Variants in BAIAP2L1 observed in about 807,000 individuals in gnomAD.
BAIAP2L1 encodes the protein BAR/IMD domain containing adaptor protein 2 like 1, also known as BAR/IMD domain-containing adapter protein 2-like 1.
In BAIAP2L1, 35 loss-of-function variants were observed where a neutral mutation model predicts 66.3. The ratio of observed to expected loss-of-function variants is 0.53; its 90% CI spans 0.40 to 0.70. BAIAP2L1 has a LOEUF of 0.70. BAIAP2L1 is among the 30% of genes least tolerant of loss of function. BAIAP2L1 has a pLI of 0.00. For synonymous variants in BAIAP2L1, 269 were observed against 248.7 expected (o/e 1.08, Z -0.77); for missense variants, 622 against 656.9 (o/e 0.95, Z 0.58).
intron 12 of BAIAP2L1, among the ~76,000 whole-genome samples, chr7:98,296,341 T>C (rs1028493762): frequency 2.0e-5 from 3 of 152,202 alleles, no homozygotes; most frequent in Non-Finnish European, 2.9e-5. Flanking sequence ...AAAATATGTA[T>C]TGGGCCAGGG....
At position 98,312,112 on chromosome 7, in the gene BAIAP2L1, G is replaced by T; in HGVS notation, c.792C>A (p.Ile264=). The change falls in exon 8 of 14, where the codon ATC becomes ATA. Residue 264 remains isoleucine (I), a synonymous_variant. Coordinates refer to ENST00000005260, the MANE Select transcript of BAIAP2L1 (RefSeq NM_018842.5). ...VSGTPQASPM[I]ERSNVVRKDY... is the part of the protein sequence containing the mutation. ...TGGCTCCTACCACATTGCTTCTCTC[G>T]ATCATGGGTGAAGCCTGAGGAGTTC... 1 of 1,603,142 alleles carries T rather than the reference G, an allele frequency of 6.2e-7. No individual in the cohort carries two copies. Among genetic ancestry groups the T allele is most frequent in the Non-Finnish European group, 8.5e-7 (1 of 1,176,290 alleles).
At position 98,400,805 on chromosome 7, in the gene BAIAP2L1, G is replaced by A; in HGVS notation, c.48C>T (p.Tyr16=). 4 of 1,548,990 alleles carry A rather than the reference G, an allele frequency of 2.6e-6. No individual in the cohort carries two copies. The highest frequency in any genetic ancestry group is 3.5e-6 in the Non-Finnish European group (4 of 1,146,174). Residue 16 remains tyrosine, a synonymous_variant, in exon 1 of 14, where the codon TAC becomes TAT. Coordinates refer to ENST00000005260, the MANE Select transcript of BAIAP2L1 (RefSeq NM_018842.5). ...EEVNRLTEST[Y]RNVMEQFNPG... ...GAGCCCCGGGCCCTGGGCTTACCCGGTAGGTGCTCTCCGTGAGCCGGTTCA... is the reference window on the plus strand; with the variant it reads ...GAGCCCCGGGCCCTGGGCTTACCCGATAGGTGCTCTCCGTGAGCCGGTTCA...
At chr7:98,310,411 G>C in intron 9 of BAIAP2L1, 34 bp downstream of exon 9, 1 of 1,557,652 alleles carries the variant, frequency 6.4e-7, no homozygotes, top group Non-Finnish European at 8.7e-7. Context: ...AAATGTAAAA[G>C]GTATCTTCAA....
At chr7:98,390,391 C>A (rs1048629995) in intron 1 of BAIAP2L1, among the ~76,000 whole-genome samples, 3 of 151,836 alleles carry the variant, frequency 2.0e-5, no homozygotes, top group Non-Finnish European at 2.9e-5. Context: ...ATATATTTAT[C>A]TGCTTTACAT....
chr7:98,303,467 A>G (rs544784910), intron 12 of BAIAP2L1, among the ~76,000 whole-genome samples: 1 of 152,106 alleles, frequency 6.6e-6, no homozygotes, highest in Admixed American at 6.5e-5. Context: ...GCTCCCCACC[A>G]CGCCATCACC....
intron 1 of BAIAP2L1, among the ~76,000 whole-genome samples, chr7:98,393,506 A>T (rs545711905): frequency 2.1e-4 from 31 of 150,502 alleles, no homozygotes; most frequent in East Asian, 1.8e-3. Context: ...CTATTTATTT[A>T]TTTTTTTTTG....
intron 3 of BAIAP2L1, among the ~76,000 whole-genome samples, chr7:98,322,689 G>A (rs942049505): frequency 6.6e-6 from 1 of 152,088 alleles, no homozygotes; most frequent in Non-Finnish European, 1.5e-5. Flanking sequence ...GTCCCACCAC[G>A]TGGGCTTTCG....
At chr7:98,322,095 C>T (rs1300951205) in intron 3 of BAIAP2L1, among the ~76,000 whole-genome samples, 2 of 152,040 alleles carry the variant, frequency 1.3e-5, no homozygotes, top group African/African-American at 2.4e-5. Flanking sequence ...GACCCTGTCT[C>T]CCCGCCCCCC....
chr7:98,344,827 T>C (rs543159004), intron 3 of BAIAP2L1, among the ~76,000 whole-genome samples: 76 of 152,070 alleles, frequency 5.0e-4, no homozygotes, highest in Admixed American at 9.2e-4. Flanking sequence ...TCCCAGCTAC[T>C]TGGGAGGCTG....
intron 6 of BAIAP2L1, 22 bp downstream of exon 6, chr7:98,317,197 A>G (rs1359052127): frequency 6.2e-7 from 1 of 1,614,026 alleles, no homozygotes; most frequent in Admixed American, 1.7e-5. Context: ...AAAAGAAAAC[A>G]AGATATTGTT....
intron 1 of BAIAP2L1, among the ~76,000 whole-genome samples, chr7:98,363,029 T>C (rs1802308610): frequency 2.6e-5 from 1 of 38,316 alleles, no homozygotes; most frequent in Non-Finnish European, 7.1e-5. Flanking sequence ...CATTTTTTCT[T>C]TTTTTTTTTT....
chr7:98,309,780 G>A (rs1338683288), intron 9 of BAIAP2L1: 1 of 151,272 alleles, frequency 6.6e-6, no homozygotes, highest in Non-Finnish European at 1.5e-5. Flanking sequence ...CAGGTCTCGA[G>A]GGTCCTGGGT....
In BAIAP2L1 at chr7:98,339,293, T is replaced by G. The variant is rs1801684221; in HGVS notation, c.214+15749A>C. On this transcript the variant is annotated intron_variant, in intron 3 of 13. Coordinates refer to ENST00000005260, the MANE Select transcript of BAIAP2L1 (RefSeq NM_018842.5). ...GCCAACACTTGTTATTGTCTGACTT[T>G]TTAATTGTGGCCACTCTATTGGGTG... Among the ~76,000 whole-genome samples the G allele has an allele frequency of 2.0e-5, 3 of 152,210 alleles. No homozygotes were observed. In the South Asian group the frequency reaches 6.2e-4, roughly 31 times the overall value.
chr7:98,308,081 A>G (rs553009397), intron 9 of BAIAP2L1, 185 bp from the exon 10 acceptor site: 34 of 713,316 alleles, frequency 4.8e-5, no homozygotes, highest in African/African-American at 4.2e-4. Context: ...CTGTTGAGAA[A>G]CAGAGGCAGC....
intron 1 of BAIAP2L1, chr7:98,386,208 G>C: frequency 6.6e-7 from 1 of 1,514,264 alleles, no homozygotes; most frequent in Non-Finnish European, 9.1e-7. Context: ...CGGTAGTCTT[G>C]ACATCAACGT....
chr7:98,303,508 A>G (rs746641190), intron 12 of BAIAP2L1, among the ~76,000 whole-genome samples: 87 of 152,206 alleles, frequency 5.7e-4, no homozygotes, highest in Non-Finnish European at 1.1e-3. Flanking sequence ...CATGGCTTCT[A>G]GTGTCAGTGT....
At chr7:98,389,810 T>C (rs1164379445) in intron 1 of BAIAP2L1, among the ~76,000 whole-genome samples, 1 of 152,108 alleles carries the variant, frequency 6.6e-6, no homozygotes, top group East Asian at 1.9e-4. Context: ...AAATGACCCC[T>C]GAAAGTAAAG....
At chr7:98,312,404 C>T in intron 7 of BAIAP2L1, 140 bp from the exon 8 acceptor site, 2 of 853,750 alleles carry the variant, frequency 2.3e-6, no homozygotes, top group South Asian at 1.8e-5. Context: ...ACTCGGTGAG[C>T]ACTTTAAGCA....
At chr7:98,338,050 CA>C (rs1468647019) in intron 3 of BAIAP2L1, among the ~76,000 whole-genome samples, 1 of 152,180 alleles carries the variant, frequency 6.6e-6, no homozygotes, top group Non-Finnish European at 1.5e-5. Context: ...GTATAATATA[CA>C]AAAGTTTACC....
Sources: gnomAD v4.1 joint callset for allele counts (sites outside exome capture counted in the v4.1 genomes callset) on GRCh38, gnomAD v4.1.1 for gene constraint, MANE v1.5 for transcripts, NCBI Gene and HGNC (gene_info 2026-07-23, HGNC 2026-07-21) for gene names.